CEP63: variants seen among roughly 807,000 people sequenced by gnomAD.
CEP63 encodes centrosomal protein 63.
Under a neutral mutation model 89.1 loss-of-function variants are expected in CEP63, and 84 were observed. The observed-to-expected ratio is 0.94, with a 90% CI of 0.79 to 1.13. The LOEUF (loss-of-function observed/expected upper bound fraction) is 1.13, where lower values mean the gene tolerates loss of function less well. CEP63 is among the 50% of genes most tolerant of loss of function. CEP63 has a pLI of 0.00. For synonymous variants in CEP63, 267 were observed against 272.5 expected (o/e 0.98, Z 0.20); for missense variants, 838 against 813.3 (o/e 1.03, Z -0.37).
At chr3:134,558,082 T>A in intron 12 of CEP63, 60 bp from the exon 13 acceptor site, 1 of 1,393,834 alleles carries the variant, frequency 7.2e-7, no homozygotes, top group Non-Finnish European at 1.0e-6. Context: ...CAACCAGCAG[T>A]ATCACAGATC....
At chr3:134,604,428 C>G in the CEP63 span, 1 of 1,613,740 alleles carries the variant, frequency 6.2e-7, no homozygotes, top group Non-Finnish European at 8.5e-7. Flanking sequence ...TGAACATGAA[C>G]AGCGTCGGGG....
the CEP63 span, among the ~76,000 whole-genome samples, chr3:134,619,556 A>G: frequency 6.6e-6 from 1 of 152,204 alleles, no homozygotes; most frequent in Non-Finnish European, 1.5e-5. Flanking sequence ...CTCTCTGCTA[A>G]TCCCCACCAC....
downstream of CEP63, among the ~76,000 whole-genome samples, chr3:134,590,563 AAGATGGG>A (rs1190037226): frequency 6.6e-6 from 1 of 152,200 alleles, no homozygotes; most frequent in African/African-American, 2.4e-5. Flanking sequence ...TCTAGAGTGG[AAGATGGG>A]AAAGGAAGAA....
the CEP63 span, chr3:134,643,258 G>T: frequency 6.5e-7 from 1 of 1,534,374 alleles, no homozygotes; most frequent in Non-Finnish European, 9.0e-7. Context: ...GCTGGCCAGA[G>T]CATCAGGTCT....
the CEP63 span, among the ~76,000 whole-genome samples, chr3:134,660,404 T>C: frequency 6.6e-6 from 1 of 152,316 alleles, no homozygotes; most frequent in South Asian, 2.1e-4. Context: ...TTATCCTGAG[T>C]TCATAGATGA....
At chr3:134,687,875 C>A in the CEP63 span, among the ~76,000 whole-genome samples, 1 of 152,186 alleles carries the variant, frequency 6.6e-6, no homozygotes, top group African/African-American at 2.4e-5. Flanking sequence ...TTCAAATTCA[C>A]AACCCACAAA....
the CEP63 span, among the ~76,000 whole-genome samples, chr3:134,616,200 C>T: frequency 6.6e-6 from 1 of 152,204 alleles, no homozygotes; most frequent in South Asian, 2.1e-4. Flanking sequence ...ACTGGACCAG[C>T]AGTTACAAGC....
the CEP63 span, among the ~76,000 whole-genome samples, chr3:134,728,534 A>C: frequency 6.6e-6 from 1 of 152,224 alleles, no homozygotes; most frequent in African/African-American, 2.4e-5. Context: ...TTAAACAGTC[A>C]CTGATCAAGA....
At chr3:134,554,032 C>T (rs2109961405) in intron 12 of CEP63, among the ~76,000 whole-genome samples, 1 of 152,286 alleles carries the variant, frequency 6.6e-6, no homozygotes, top group East Asian at 1.9e-4. Context: ...CCTCAAATCC[C>T]TCTAAAACTG....
the CEP63 span, among the ~76,000 whole-genome samples, chr3:134,777,025 C>T: frequency 6.6e-6 from 1 of 152,082 alleles, no homozygotes; most frequent in African/African-American, 2.4e-5. Flanking sequence ...ATTAGGAAAG[C>T]CAACCATTCT....
the CEP63 span, among the ~76,000 whole-genome samples, chr3:134,747,846 C>T: frequency 6.6e-6 from 1 of 152,176 alleles, no homozygotes; most frequent in Non-Finnish European, 1.5e-5. Context: ...AGTGCAGTGG[C>T]ATGATCTCGG....
chr3:134,621,645 C>A, the CEP63 span, among the ~76,000 whole-genome samples: 1 of 152,252 alleles, frequency 6.6e-6, no homozygotes, highest in South Asian at 2.1e-4. Flanking sequence ...ATCTTCATGA[C>A]CTTGGATTTG....
intron 3 of CEP63, among the ~76,000 whole-genome samples, chr3:134,529,186 T>C (rs923514715): frequency 6.6e-6 from 1 of 152,200 alleles, no homozygotes; most frequent in Admixed American, 6.5e-5. Context: ...TTTTAAATGG[T>C]AAGCATTTTT....
chr3:134,662,148 A>C, the CEP63 span, among the ~76,000 whole-genome samples: 4 of 152,262 alleles, frequency 2.6e-5, no homozygotes, highest in East Asian at 7.7e-4. Flanking sequence ...GTGGTGATGC[A>C]TGCTGGTAAT....
chr3:134,761,486 T>G, the CEP63 span, among the ~76,000 whole-genome samples: 2 of 152,104 alleles, frequency 1.3e-5, no homozygotes, highest in Admixed American at 6.5e-5. Context: ...TGAGCAGGTG[T>G]CCCCTGGCAT....
At chr3:134,581,366 G>C (rs1958342455) in intron 10 of CEP63, among the ~76,000 whole-genome samples, 1 of 152,240 alleles carries the variant, frequency 6.6e-6, no homozygotes, top group South Asian at 2.1e-4. Flanking sequence ...GATCACCTGA[G>C]GTAAGGAGTT....
chr3:134,506,226 A>C (rs937979527), intron 2 of CEP63, among the ~76,000 whole-genome samples: 7 of 152,206 alleles, frequency 4.6e-5, no homozygotes, highest in African/African-American at 1.7e-4. Flanking sequence ...ATCTCCTGAA[A>C]TGCCAGGACA....
chr3:134,586,986 C>G (rs1958497873), intron 10 of CEP63, among the ~76,000 whole-genome samples: 1 of 152,116 alleles, frequency 6.6e-6, no homozygotes, highest in East Asian at 1.9e-4. Flanking sequence ...ATCGAATTGG[C>G]TATTGAAGGT....
rs142116811 is a variant in CEP63 at position 134,495,382 on chromosome 3, A to G, written c.44+18A>G. ...CATGGTGGGTAAGTTTGCTTTTTTT[A>G]AAATTAATTTTTTTGGTTAATACAT... On this transcript the variant is annotated intron_variant, in intron 2 of 14. Transcript: ENST00000675561. 7 of 1,574,884 alleles carry G rather than the reference A, an allele frequency of 4.4e-6. No homozygotes were observed. The highest frequency in any genetic ancestry group is 4.4e-5 in the South Asian group (4 of 90,208).
Sources: allele counts gnomAD v4.1 joint callset (sites outside exome capture counted in the v4.1 genomes callset), GRCh38; gene constraint gnomAD v4.1.1; transcripts MANE v1.5; gene names NCBI Gene and HGNC (gene_info 2026-07-23, HGNC 2026-07-21).